ITPR2: variants seen among roughly 807,000 people sequenced by gnomAD.
The protein encoded by ITPR2 is inositol 1,4,5-trisphosphate-gated calcium channel ITPR2.
A neutral mutation model predicts 317.1 loss-of-function variants in ITPR2; 207 were observed. The ratio of observed to expected loss-of-function variants is 0.65; its 90% CI spans 0.58 to 0.73. The LOEUF (loss-of-function observed/expected upper bound fraction) is 0.73. Ranked by LOEUF, ITPR2 falls within the 30% of genes least tolerant of loss-of-function variation. The pLI, the probability that ITPR2 is intolerant of heterozygous loss-of-function variation, is 0.00. For synonymous variants in ITPR2, 1,156 were observed against 1,149.1 expected (o/e 1.01, Z -0.12); for missense variants, 2,613 against 3,284.0 (o/e 0.80, Z 4.99).
chr12:26,574,984 T>C (rs551172159), intron 34 of ITPR2, among the ~76,000 whole-genome samples: 60 of 151,526 alleles, frequency 4.0e-4, no homozygotes, highest in African/African-American at 1.4e-3. Context: ...CCACATGAGA[T>C]CTGGAGGGGA....
At chr12:26,386,668 G>T (rs562040288) in intron 55 of ITPR2, among the ~76,000 whole-genome samples, 1 of 150,874 alleles carries the variant, frequency 6.6e-6, no homozygotes, top group Non-Finnish European at 1.5e-5. Flanking sequence ...AGATTTTTTT[G>T]GGGGGTGGGG....
At chr12:26,371,285 A>G (rs528746698) in intron 55 of ITPR2, among the ~76,000 whole-genome samples, 3 of 152,322 alleles carry the variant, frequency 2.0e-5, no homozygotes, top group East Asian at 3.9e-4. Context: ...GTTCTCTTTC[A>G]CCTAAAGTCA....
chr12:26,792,116 A>C (rs938580409), intron 1 of ITPR2, among the ~76,000 whole-genome samples: 6 of 152,174 alleles, frequency 3.9e-5, no homozygotes, highest in Non-Finnish European at 8.8e-5. Context: ...TTATGTGAAC[A>C]CTAATATCTA....
chr12:26,759,142 G>A (rs115203680), intron 2 of ITPR2, among the ~76,000 whole-genome samples: 182 of 152,212 alleles, frequency 1.2e-3, no homozygotes, highest in Middle Eastern at 3.4e-3. Context: ...AATTCTCACC[G>A]TTTCAAAAAA....
chr12:26,605,120 A>ATAT (rs1946098101), intron 26 of ITPR2, among the ~76,000 whole-genome samples: 2 of 104,254 alleles, frequency 1.9e-5, no homozygotes, highest in East Asian at 4.2e-4. Flanking sequence ...AAAAATAAAA[A>ATAT]ATAAAAATAT....
intron 55 of ITPR2, among the ~76,000 whole-genome samples, chr12:26,355,011 G>A (rs1591957370): frequency 6.6e-6 from 1 of 152,214 alleles, no homozygotes; most frequent in Middle Eastern, 3.4e-3. Flanking sequence ...CTGGGAAATG[G>A]TTAGAAATAC....
chr12:26,542,885 A>T (rs1299427815), intron 37 of ITPR2, among the ~76,000 whole-genome samples: 1 of 152,192 alleles, frequency 6.6e-6, no homozygotes, highest in Non-Finnish European at 1.5e-5. Flanking sequence ...TAAAGAGAAT[A>T]ACTGTAAATT....
At chr12:26,532,666 G>T (rs1002137703) in intron 37 of ITPR2, among the ~76,000 whole-genome samples, 9 of 152,008 alleles carry the variant, frequency 5.9e-5, no homozygotes, top group African/African-American at 2.2e-4. Context: ...ATGATGAATT[G>T]ATGAAATGAT....
intron 5 of ITPR2, among the ~76,000 whole-genome samples, chr12:26,716,750 C>A (rs1425382293): frequency 1.3e-5 from 2 of 152,140 alleles, no homozygotes; most frequent in African/African-American, 2.4e-5. Context: ...CAGCTCGATT[C>A]AGGAAATGCA....
chr12:26,510,595 G>A (rs534346127), intron 37 of ITPR2, among the ~76,000 whole-genome samples: 3 of 152,330 alleles, frequency 2.0e-5, no homozygotes, highest in African/African-American at 7.2e-5. Flanking sequence ...CAATCAGCAT[G>A]CACAGAAATG....
intron 45 of ITPR2, among the ~76,000 whole-genome samples, chr12:26,459,244 A>G (rs1941958465): frequency 6.6e-6 from 1 of 152,214 alleles, no homozygotes; most frequent in Non-Finnish European, 1.5e-5. Flanking sequence ...TGACAGCAAG[A>G]CAATCTGTGC....
intron 26 of ITPR2, among the ~76,000 whole-genome samples, chr12:26,618,257 G>GA (rs141319105): frequency 0.032 from 4,797 of 151,342 alleles, 276 homozygotes; most frequent in African/African-American, 0.11. Context: ...AGTAAAGCAA[G>GA]AAAAAAAAGA....
chr12:26,469,420 C>A (rs542112755), intron 45 of ITPR2, among the ~76,000 whole-genome samples: 1 of 152,064 alleles, frequency 6.6e-6, no homozygotes. Context: ...CTGGGATGTT[C>A]CCCTGCAAAC....
At chr12:26,648,395 A>C (rs952456988) in intron 21 of ITPR2, among the ~76,000 whole-genome samples, 1 of 152,232 alleles carries the variant, frequency 6.6e-6, no homozygotes, top group Non-Finnish European at 1.5e-5. Flanking sequence ...AGTAAGGATA[A>C]AAAAGATGTA....
intron 13 of ITPR2, among the ~76,000 whole-genome samples, chr12:26,670,082 G>GGCCT (rs1739580803): frequency 6.6e-6 from 1 of 152,246 alleles, no homozygotes; most frequent in Admixed American, 6.5e-5. Context: ...AGCTCAAGGA[G>GGCCT]GCCTGCCTGC....
intron 49 of ITPR2, among the ~76,000 whole-genome samples, chr12:26,427,559 T>G (rs1941097023): frequency 2.0e-5 from 3 of 152,296 alleles, no homozygotes; most frequent in Middle Eastern, 6.8e-3. Context: ...AATTTAATCT[T>G]TTTTGGATGA....
chr12:26,810,047 G>A (rs1331813529), intron 1 of ITPR2, among the ~76,000 whole-genome samples: 1 of 152,200 alleles, frequency 6.6e-6, no homozygotes, highest in Non-Finnish European at 1.5e-5. Flanking sequence ...CAAGATGATG[G>A]CATCTCCTGC....
intron 54 of ITPR2, among the ~76,000 whole-genome samples, chr12:26,394,492 C>T (rs1442848808): frequency 1.3e-5 from 2 of 152,012 alleles, no homozygotes; most frequent in African/African-American, 4.8e-5. Context: ...AAATTGTTCT[C>T]CCACAACTAA....
At chr12:26,652,942 T>C (rs1047021744) in intron 21 of ITPR2, among the ~76,000 whole-genome samples, 1 of 152,248 alleles carries the variant, frequency 6.6e-6, no homozygotes, top group African/African-American at 2.4e-5. Context: ...AAAAACTTTG[T>C]ATTGACTTAT....
Sources: allele counts gnomAD v4.1 joint callset (sites outside exome capture counted in the v4.1 genomes callset), GRCh38; gene constraint gnomAD v4.1.1; transcripts MANE v1.5; gene names NCBI Gene and HGNC (gene_info 2026-07-23, HGNC 2026-07-21).